PDGFC: variants seen among roughly 807,000 people sequenced by gnomAD.
The protein encoded by PDGFC is platelet derived growth factor C, also known as platelet-derived growth factor C.
PDGFC carries 12 observed loss-of-function variants against 35.5 expected under a neutral mutation model. That is an observed-to-expected ratio of 0.34 (90% CI 0.22 to 0.55). The LOEUF (loss-of-function observed/expected upper bound fraction) is 0.55, where lower values mean the gene tolerates loss of function less well. Ranked by LOEUF, PDGFC falls within the 20% of genes least tolerant of loss-of-function variation. The probability of loss-of-function intolerance (pLI) is 0.91; values close to 1 mark genes in which losing one functional copy is unlikely to be tolerated. For synonymous variants in PDGFC, 159 were observed against 148.8 expected, an observed-to-expected ratio of 1.07 and a Z score of -0.50; for missense variants, 322 against 412.4, an observed-to-expected ratio of 0.78 and a Z score of 1.90.
intron 1 of PDGFC, among the ~76,000 whole-genome samples, chr4:156,958,382 T>A (rs1732259994): frequency 4.6e-5 from 7 of 151,900 alleles, no homozygotes; most frequent in Admixed American, 4.6e-4. Context: ...TATCCACCAT[T>A]GTCTGTTGTT....
At position 156,828,535 on chromosome 4, in the gene PDGFC, T is replaced by C. The variant is rs536655327; in HGVS notation, c.315-17518A>G. Reference sequence around the variant, plus strand: ...ATGACTCAAAGAGCTATCAGAAATTTTGACTGGTTTTTTGCTTTTTCTCCC... The same window carrying C: ...ATGACTCAAAGAGCTATCAGAAATTCTGACTGGTTTTTTGCTTTTTCTCCC... On this transcript the variant is annotated intron_variant, in intron 2 of 5. Coordinates refer to ENST00000502773, the MANE Select transcript of PDGFC (RefSeq NM_016205.3). Among the ~76,000 whole-genome samples, 5 of 152,316 alleles carry C rather than the reference T, an allele frequency of 3.3e-5. No individual in the cohort carries two copies. In the South Asian group the frequency reaches 1.0e-3, roughly 32 times the overall value.
At chr4:156,888,081 C>A (rs1399681103) in intron 1 of PDGFC, among the ~76,000 whole-genome samples, 2 of 151,500 alleles carry the variant, frequency 1.3e-5, no homozygotes, top group African/African-American at 4.9e-5. Flanking sequence ...TCAAACAGGT[C>A]TAAAACATTA....
intron 1 of PDGFC, among the ~76,000 whole-genome samples, chr4:156,891,776 A>C (rs975317411): frequency 1.3e-5 from 2 of 152,210 alleles, no homozygotes; most frequent in Non-Finnish European, 2.9e-5. Context: ...CATAGTGGTG[A>C]CTACAGGTAG....
At chr4:156,811,268 A>G (rs909103966) in intron 2 of PDGFC, among the ~76,000 whole-genome samples, 9 of 152,172 alleles carry the variant, frequency 5.9e-5, no homozygotes, top group Non-Finnish European at 1.2e-4. Context: ...TTAAATAACC[A>G]TCCTAAAACT....
intron 1 of PDGFC, among the ~76,000 whole-genome samples, chr4:156,944,565 T>C (rs1731891014): frequency 6.6e-6 from 1 of 152,146 alleles, no homozygotes; most frequent in South Asian, 2.1e-4. Context: ...GCTAGGGCAA[T>C]TAACAAGTAG....
intron 2 of PDGFC, among the ~76,000 whole-genome samples, chr4:156,822,911 A>C (rs1732310492): frequency 6.6e-6 from 1 of 152,004 alleles, no homozygotes; most frequent in Admixed American, 6.6e-5. Context: ...CTGGGATTAC[A>C]GGCATAGAGA....
chr4:156,929,778 A>C (rs567122788), intron 1 of PDGFC, among the ~76,000 whole-genome samples: 1 of 152,366 alleles, frequency 6.6e-6, no homozygotes, highest in East Asian at 1.9e-4. Context: ...TATGGATATT[A>C]GAAATAGTTG....
intron 2 of PDGFC, among the ~76,000 whole-genome samples, chr4:156,819,725 G>A (rs971628700): frequency 1.3e-5 from 2 of 152,118 alleles, no homozygotes; most frequent in South Asian, 4.1e-4. Flanking sequence ...CAGTCCATGG[G>A]CCAAGGAGTA....
At chr4:156,768,947 T>G (rs890743205) in intron 4 of PDGFC, among the ~76,000 whole-genome samples, 3 of 152,010 alleles carry the variant, frequency 2.0e-5, no homozygotes, top group Non-Finnish European at 4.4e-5. Context: ...ACATGAATAG[T>G]AGGTAATTAC....
intron 1 of PDGFC, among the ~76,000 whole-genome samples, chr4:156,874,721 A>AT (rs200793938): frequency 4.3e-4 from 64 of 147,434 alleles, no homozygotes; most frequent in East Asian, 7.9e-4. Flanking sequence ...TCTTTTTTTA[A>AT]TTTTTTTTTT....
chr4:156,809,312 G>A (rs1731864795), intron 3 of PDGFC, among the ~76,000 whole-genome samples: 1 of 151,934 alleles, frequency 6.6e-6, no homozygotes, highest in Non-Finnish European at 1.5e-5. Context: ...TCCCAGATGT[G>A]GTGTCTGGTC....
intron 1 of PDGFC, 66 bp downstream of exon 1, chr4:156,970,720 C>G: frequency 1.0e-6 from 1 of 988,418 alleles, no homozygotes; most frequent in Non-Finnish European, 1.6e-6. Context: ...CACATACCAA[C>G]GCACAATGCC....
chr4:156,942,635 C>CA (rs1254047697), intron 1 of PDGFC, among the ~76,000 whole-genome samples: 5 of 147,702 alleles, frequency 3.4e-5, no homozygotes, highest in East Asian at 2.0e-4. Context: ...CTAAAACAGA[C>CA]AAAAAAAATA....
intron 1 of PDGFC, among the ~76,000 whole-genome samples, chr4:156,958,576 G>A (rs998079952): frequency 3.3e-5 from 5 of 152,028 alleles, no homozygotes; most frequent in Non-Finnish European, 4.4e-5. Flanking sequence ...ATGTTTGACA[G>A]AAGTTACAGA....
chr4:156,896,957 G>A (rs1431425357), intron 1 of PDGFC, among the ~76,000 whole-genome samples: 1 of 152,154 alleles, frequency 6.6e-6, no homozygotes, highest in Non-Finnish European at 1.5e-5. Flanking sequence ...TTGACCATCT[G>A]TTAAAATGAT....
At chr4:156,829,554 G>T (rs28634311) in intron 2 of PDGFC, among the ~76,000 whole-genome samples, 9,041 of 151,804 alleles carry the variant, frequency 0.06, 888 homozygotes, top group African/African-American at 0.21. Flanking sequence ...TTTATTTATT[G>T]CTTTATCCTG....
chr4:156,793,646 A>AT (rs1202819674), intron 3 of PDGFC, among the ~76,000 whole-genome samples: 2 of 150,554 alleles, frequency 1.3e-5, no homozygotes, highest in Non-Finnish European at 3.0e-5. Context: ...GGGCAAAAAA[A>AT]TTTTTTAAAT....
chr4:156,781,341 T>C (rs1730976114), intron 3 of PDGFC, among the ~76,000 whole-genome samples: 1 of 152,154 alleles, frequency 6.6e-6, no homozygotes, highest in Non-Finnish European at 1.5e-5. Context: ...TGTTAAACAA[T>C]GCCTTTGCCA....
intron 2 of PDGFC, among the ~76,000 whole-genome samples, chr4:156,832,684 G>A (rs111825667): frequency 4.6e-5 from 7 of 152,286 alleles, no homozygotes; most frequent in African/African-American, 1.2e-4. Flanking sequence ...AACAACGGGC[G>A]TTTGAACTGC....
Sources: allele counts gnomAD v4.1 joint callset (sites outside exome capture counted in the v4.1 genomes callset), GRCh38; gene constraint gnomAD v4.1.1; transcripts MANE v1.5; gene names NCBI Gene and HGNC (gene_info 2026-07-23, HGNC 2026-07-21).